SORBS2: variants seen among roughly 807,000 people sequenced by gnomAD.
The protein encoded by SORBS2 is sorbin and SH3 domain containing 2.
Under a neutral mutation model 97.7 loss-of-function variants are expected in SORBS2, and 46 were observed. The observed-to-expected ratio is 0.47, with a 90% CI of 0.37 to 0.60. SORBS2 has a LOEUF of 0.60. SORBS2 is among the 20% of genes least tolerant of loss of function. SORBS2 has a pLI of 0.00. For synonymous variants in SORBS2, 476 were observed against 473.4 expected, an observed-to-expected ratio of 1.01 and a Z score of -0.07; for missense variants, 1,316 against 1,282.3, an observed-to-expected ratio of 1.03 and a Z score of -0.40.
intron 2 of SORBS2, among the ~76,000 whole-genome samples, chr4:185,704,329 A>AT (rs1275206585): frequency 6.6e-6 from 1 of 151,842 alleles, no homozygotes; most frequent in Non-Finnish European, 1.5e-5. Flanking sequence ...TTATTTATTT[A>AT]TTTTTTTGAA....
chr4:185,645,944 G>T (rs1415644941), intron 4 of SORBS2: 1 of 151,984 alleles, frequency 6.6e-6, no homozygotes, highest in Non-Finnish European at 1.5e-5. Flanking sequence ...GGAGGCAAGT[G>T]GTTCTTCTTA....
chr4:185,724,132 T>C (rs571047292), intron 2 of SORBS2, among the ~76,000 whole-genome samples: 1 of 152,316 alleles, frequency 6.6e-6, no homozygotes, highest in Non-Finnish European at 1.5e-5. Context: ...AAGTTAACAA[T>C]AAAAGAAGCT....
intron 2 of SORBS2, among the ~76,000 whole-genome samples, chr4:185,746,003 A>G (rs903814920): frequency 2.6e-5 from 4 of 152,222 alleles, no homozygotes; most frequent in African/African-American, 9.6e-5. Flanking sequence ...TGAACTACAG[A>G]AAAGGAAGCA....
chr4:185,808,661 C>CCTTTTAGGTTTACTTAGGTTTA (rs1487981492), intron 1 of SORBS2, among the ~76,000 whole-genome samples: 1 of 152,132 alleles, frequency 6.6e-6, no homozygotes, highest in Non-Finnish European at 1.5e-5. Context: ...TTTCCAGTCA[C>CCTTTTAGGTTTACTTAGGTTTA]CTTTTAGGTT....
chr4:185,814,553 A>AAAACAAACAAACAAAC (rs36055043), intron 1 of SORBS2, among the ~76,000 whole-genome samples: 186 of 151,256 alleles, frequency 1.2e-3, no homozygotes, highest in African/African-American at 4.2e-3. Flanking sequence ...TTTTAGTAGC[A>AAAACAAACAAACAAAC]AAACAAACAA....
At chr4:185,951,177 A>G (rs939590928) in intron 1 of SORBS2, among the ~76,000 whole-genome samples, 1 of 152,184 alleles carries the variant, frequency 6.6e-6, no homozygotes, top group Non-Finnish European at 1.5e-5. Flanking sequence ...GTTAACAGGT[A>G]TGTACCATCA....
Position 185,683,660 on chromosome 4 carries a change from A to G in SORBS2, c.-197-4838T>C, listed in dbSNP as rs530697097. On this transcript the variant is annotated intron_variant, in intron 2 of 20. Transcript: ENST00000284776. ...CTATAAACCTTGCAATGCATCTTGC[A>G]TTTTCTTTTAACTTAATATATAACT... 4.6e-5 allele frequency among the ~76,000 whole-genome samples: 7 copies of G among 152,148 alleles called. No individual in the cohort carries two copies. In the South Asian group the frequency reaches 1.2e-3, roughly 27 times the overall value.
intron 1 of SORBS2, among the ~76,000 whole-genome samples, chr4:185,653,349 T>C (rs1020179839): frequency 6.6e-6 from 1 of 152,230 alleles, no homozygotes; most frequent in Non-Finnish European, 1.5e-5. Context: ...TCGGCTAAAA[T>C]TGTAGGTTCC....
At chr4:185,821,349 A>G (rs1467545615) in intron 1 of SORBS2, among the ~76,000 whole-genome samples, 1 of 152,190 alleles carries the variant, frequency 6.6e-6, no homozygotes, top group African/African-American at 2.4e-5. Flanking sequence ...CTGTTTGTCA[A>G]ACACCTTGTT....
At chr4:185,861,209 T>A (rs1259964843) in intron 1 of SORBS2, among the ~76,000 whole-genome samples, 2 of 151,904 alleles carry the variant, frequency 1.3e-5, no homozygotes, top group African/African-American at 4.8e-5. Context: ...TAAGGAGGGA[T>A]GTTCAACTTC....
chr4:185,791,405 G>A (rs1055432859), intron 1 of SORBS2, among the ~76,000 whole-genome samples: 2 of 152,118 alleles, frequency 1.3e-5, no homozygotes, highest in Non-Finnish European at 2.9e-5. Flanking sequence ...GGAGGGCCAT[G>A]ACTTCTGTTT....
intron 2 of SORBS2, among the ~76,000 whole-genome samples, chr4:185,680,767 G>A (rs2097856511): frequency 6.6e-6 from 1 of 152,084 alleles, no homozygotes; most frequent in African/African-American, 2.4e-5. Context: ...AGGTGTACTG[G>A]GCGGGTCTGA....
In SORBS2 at chr4:185,762,294, G is replaced by A. The variant is rs1424937018; in HGVS notation, c.-198+12933C>T. Among the ~76,000 whole-genome samples, 5 of 152,146 alleles carry A rather than the reference G, an allele frequency of 3.3e-5. No individual in the cohort carries two copies. The East Asian group carries it at 5.8e-4, about 18-fold the overall frequency. ...GGGAGTTGGAAAGTGAGTTTTAGAC[G>A]CATTGAATTTGAGGTACTCAGAAGA... On this transcript the variant is annotated intron_variant, in intron 2 of 20. Coordinates refer to the SORBS2 transcript ENST00000284776.
In SORBS2 at chr4:185,704,614, TGGCC is replaced by T. The variant is rs2098314452; in HGVS notation, c.-197-25796_-197-25793del. On this transcript the variant is annotated intron_variant, in intron 2 of 20. Transcript: ENST00000284776. ...GATTACAGGCGTGAGCCACCGCACC[TGGCC>T]CATTCATTCATTATTCAATTCATTA... Among the ~76,000 whole-genome samples the T allele has an allele frequency of 9.2e-5, 14 of 152,038 alleles. No homozygotes were observed. In the South Asian group the frequency reaches 2.7e-3, roughly 29 times the overall value.
chr4:185,907,337 A>G (rs1430966123), intron 1 of SORBS2, among the ~76,000 whole-genome samples: 1 of 152,180 alleles, frequency 6.6e-6, no homozygotes, highest in Non-Finnish European at 1.5e-5. Context: ...GTTAGCTTTT[A>G]TAGTAAGAAA....
chr4:185,655,968 C>T (rs2097394289), intron 1 of SORBS2, among the ~76,000 whole-genome samples: 4 of 152,260 alleles, frequency 2.6e-5, no homozygotes, highest in African/African-American at 7.2e-5. Flanking sequence ...GCCTCAAGTG[C>T]CAGTTACACA....
intron 1 of SORBS2, among the ~76,000 whole-genome samples, chr4:185,879,142 G>A (rs1203376168): frequency 7.2e-6 from 1 of 138,050 alleles, no homozygotes; most frequent in Admixed American, 7.3e-5. Context: ...ATTTACATTA[G>A]GTATATCTCC....
At chr4:185,905,559 C>T (rs571853778) in intron 1 of SORBS2, among the ~76,000 whole-genome samples, 1 of 152,266 alleles carries the variant, frequency 6.6e-6, no homozygotes, top group South Asian at 2.1e-4. Context: ...CATAATGATA[C>T]ACCTATCAAA....
chr4:185,752,021 C>G (rs115463675), intron 2 of SORBS2, among the ~76,000 whole-genome samples: 1 of 151,970 alleles, frequency 6.6e-6, no homozygotes, highest in Non-Finnish European at 1.5e-5. Context: ...AGGACAGAGA[C>G]GCTGCTGAAC....
Sources: allele counts gnomAD v4.1 joint callset (sites outside exome capture counted in the v4.1 genomes callset), GRCh38; gene constraint gnomAD v4.1.1; transcripts MANE v1.5; gene names NCBI Gene and HGNC (gene_info 2026-07-23, HGNC 2026-07-21).